The following PCDHA1 variants were observed in gnomAD, a reference collection of about 807,000 sequenced individuals.
PCDHA1 encodes the protein protocadherin alpha-1.
Under a neutral mutation model 61.3 loss-of-function variants are expected in PCDHA1, and 42 were observed. The observed-to-expected ratio is 0.69, with a 90% confidence interval of 0.54 to 0.89. The LOEUF (loss-of-function observed/expected upper bound fraction) is 0.89. PCDHA1 is among the 40% of genes least tolerant of loss of function. PCDHA1 has a pLI of 0.00. For missense variants in PCDHA1, 1,256 were observed against 1,235.3 expected, an observed-to-expected ratio of 1.02 and a Z score of -0.25; for synonymous variants, 610 against 553.8, an observed-to-expected ratio of 1.10 and a Z score of -1.43.
At position 140,959,344 on chromosome 5, in the gene PCDHA1, C is replaced by T. The variant is rs541663379; in HGVS notation, c.2395-19605C>T. Among the ~76,000 whole-genome samples the T allele has an allele frequency of 2.0e-4, 30 of 152,112 alleles. No individual in the cohort carries two copies. The South Asian group carries it at 6.0e-3, about 31-fold the overall frequency. On this transcript the variant is annotated intron_variant, in intron 1 of 3. Coordinates refer to ENST00000504120, the MANE Select transcript of PCDHA1 (RefSeq NM_018900.4). Reference sequence around the variant, plus strand: ...AAGTTTTGATTATGCTACTGCACTCCAGCGGGACAACTGAGTGAGACCCTG... The same window carrying T: ...AAGTTTTGATTATGCTACTGCACTCTAGCGGGACAACTGAGTGAGACCCTG...
At position 140,879,431 on chromosome 5, in the gene PCDHA1, T is replaced by G. The variant is rs78313657; in HGVS notation, c.2394+90747T>G. 2.0e-5 allele frequency among the ~76,000 whole-genome samples: 3 copies of G among 152,202 alleles called. No homozygotes were observed. In the East Asian group the frequency reaches 5.8e-4, roughly 29 times the overall value. The stretch of plus-strand genomic sequence containing the variant: ...AGCAGGTAGGGAATGGAGATGAACA[T>G]TTAAGAAAATGTTACTTTGAAGTCC... On this transcript the variant is annotated intron_variant, in intron 1 of 3. Transcript: ENST00000504120.
chr5:140,808,975 G>C, intron 1 of PCDHA1: 1 of 1,613,626 alleles, frequency 6.2e-7, no homozygotes, highest in Non-Finnish European at 8.5e-7. Flanking sequence ...AGGTGCGCGC[G>C]GTGGATGCTG....
chr5:141,000,737 G>A (rs1449947824), intron 3 of PCDHA1, among the ~76,000 whole-genome samples: 21 of 149,738 alleles, frequency 1.4e-4, no homozygotes, highest in African/African-American at 5.0e-4. Context: ...CCCTATCTCT[G>A]TATATTAAAA....
chr5:140,802,706 G>T, intron 1 of PCDHA1: 1 of 1,612,472 alleles, frequency 6.2e-7, no homozygotes, highest in Non-Finnish European at 8.5e-7. Flanking sequence ...GGGAGCGCGC[G>T]CTGTCGAGCT....
Position 140,786,818 on chromosome 5 carries a change from T to C in PCDHA1, c.528T>C (p.Asp176=). The change falls in exon 1 of 4, where the codon GAT becomes GAC. Residue 176 remains aspartate (D), a synonymous_variant. Transcript: ENST00000504120. Reference sequence around the variant, plus strand: ...TAACGTACACGCTCAGCCCGAGTGATTATTTCTCTTTGGATGTAGAGGCAA... The same window carrying C: ...TAACGTACACGCTCAGCCCGAGTGACTATTTCTCTTTGGATGTAGAGGCAA... ...ALLTYTLSPS[D]YFSLDVEASD... 1 of 1,614,216 alleles carries C rather than the reference T, an allele frequency of 6.2e-7. No individual in the cohort carries two copies. The highest frequency in any genetic ancestry group is 1.3e-5 in the African/African-American group (1 of 75,058).
At chr5:140,871,086 G>T (rs556097993) in intron 1 of PCDHA1, 15 of 1,613,256 alleles carry the variant, frequency 9.3e-6, no homozygotes, top group Non-Finnish European at 1.1e-5. Context: ...TGACGGCCAC[G>T]GCCACCGTGC....
rs1478776734 is a variant in PCDHA1 at position 141,010,917 on chromosome 5, A to G, written c.*980A>G. ...TACAATTCCCCTAAACTCTCCTCAA[A>G]AGAGAATTCAGTCTACAGCCATTTA... On this transcript the variant is annotated 3_prime_UTR_variant, in exon 4 of 4. Coordinates refer to ENST00000504120, the MANE Select transcript of PCDHA1 (RefSeq NM_018900.4). The G allele has an allele frequency of 6.5e-6, 1 of 153,776 alleles. No homozygotes were observed. The highest frequency in any genetic ancestry group is 1.5e-5 in the Non-Finnish European group (1 of 68,048). The allele number at this position is 153,776 out of a possible 1,614,324, so 9.5% of individuals were successfully genotyped here.
In PCDHA1 at chr5:140,970,051, C is replaced by T. The variant is rs915260486; in HGVS notation, c.2395-8898C>T. 4.0e-5 allele frequency among the ~76,000 whole-genome samples: 6 copies of T among 151,880 alleles called. No individual in the cohort carries two copies. The South Asian group carries it at 1.2e-3, about 32-fold the overall frequency. On this transcript the variant is annotated intron_variant, in intron 1 of 3. Coordinates refer to ENST00000504120, the MANE Select transcript of PCDHA1 (RefSeq NM_018900.4). Reference sequence around the variant, plus strand: ...TTAAGTACCAATTTGTCTGGTTGGTCCAGGGAGGTATTAGAATGAGTGGAT... The same window carrying T: ...TTAAGTACCAATTTGTCTGGTTGGTTCAGGGAGGTATTAGAATGAGTGGAT...
chr5:140,794,643 C>A (rs1284614539), intron 1 of PCDHA1, among the ~76,000 whole-genome samples: 5 of 151,870 alleles, frequency 3.3e-5, no homozygotes, highest in Non-Finnish European at 7.4e-5. Flanking sequence ...GTTTTTTAAC[C>A]AGAGTAAAAA....
intron 1 of PCDHA1, among the ~76,000 whole-genome samples, chr5:140,845,317 T>C (rs1779816111): frequency 6.7e-6 from 1 of 149,682 alleles, no homozygotes; most frequent in Non-Finnish European, 1.5e-5. Context: ...TCTCAGGTAT[T>C]ACTTTAATTA....
intron 1 of PCDHA1, among the ~76,000 whole-genome samples, chr5:140,939,276 C>T (rs146183157): frequency 6.6e-6 from 1 of 152,174 alleles, no homozygotes; most frequent in Non-Finnish European, 1.5e-5. Flanking sequence ...GAGAGCTGTG[C>T]CCTCGTGATC....
chr5:140,837,634 T>A (rs918973848), intron 1 of PCDHA1, among the ~76,000 whole-genome samples: 4 of 134,932 alleles, frequency 3.0e-5, no homozygotes, highest in Admixed American at 1.4e-4. Context: ...CCTTCCTTCC[T>A]TTCTTTCTTT....
At chr5:140,885,677 T>C (rs1554182236) in intron 1 of PCDHA1, among the ~76,000 whole-genome samples, 1 of 152,208 alleles carries the variant, frequency 6.6e-6, no homozygotes, top group African/African-American at 2.4e-5. Context: ...ACTCTTTCTA[T>C]CTCAAGAAGC....
chr5:140,842,853 A>C lies in PCDHA1; in HGVS notation c.2394+54169A>C. On this transcript the variant is annotated intron_variant, in intron 1 of 3. Transcript: ENST00000504120. ...TCGCTGTCGAGCTACATTTCGGTGC[A>C]CACGGAGAGCGGCAAGGTGTACGCG... is the stretch of plus-strand genomic sequence containing the variant. 6.3e-7 allele frequency: 1 copy of C among 1,593,882 alleles called. No individual in the cohort carries two copies. Among genetic ancestry groups the C allele is most frequent in the Middle Eastern group, 2.1e-4 (1 of 4,734 alleles).
intron 1 of PCDHA1, chr5:140,816,216 CTCTG>C (rs1765866048): frequency 6.6e-6 from 1 of 152,144 alleles, no homozygotes; most frequent in Non-Finnish European, 1.5e-5. Context: ...CTTTTTGCTA[CTCTG>C]TCTGGATAAT....
intron 1 of PCDHA1, among the ~76,000 whole-genome samples, chr5:140,919,658 T>C (rs1271844986): frequency 2.0e-5 from 3 of 152,230 alleles, no homozygotes; most frequent in Non-Finnish European, 2.9e-5. Context: ...GTTTACCATA[T>C]ATATTTTAGC....
chr5:140,884,534 C>T (rs781847666), intron 1 of PCDHA1: 3 of 1,614,180 alleles, frequency 1.9e-6, no homozygotes, highest in Admixed American at 3.3e-5. Context: ...GCAGAGGCGG[C>T]CGAGGGTGTG....
At chr5:140,850,389 A>T in intron 1 of PCDHA1, 1 of 1,597,864 alleles carries the variant, frequency 6.3e-7, no homozygotes, top group South Asian at 1.1e-5. Context: ...GGGCGAGATC[A>T]GCACAACGCG....
At position 140,877,386 on chromosome 5, in the gene PCDHA1, T is replaced by G. The variant is rs782310487; in HGVS notation, c.2394+88702T>G. 5 of 1,613,816 alleles carry G rather than the reference T, an allele frequency of 3.1e-6. No individual in the cohort carries two copies. In the African/African-American group the frequency reaches 6.7e-5, roughly 22 times the overall value. On this transcript the variant is annotated intron_variant, in intron 1 of 3. Coordinates refer to ENST00000504120, the MANE Select transcript of PCDHA1 (RefSeq NM_018900.4). ...AGATCAGCACGACACGCATCCTGGA[T>G]GAGGCGGACGCTCCGCGCCACCGCC... is the stretch of plus-strand genomic sequence containing the variant.
Sources: gnomAD v4.1 joint callset for allele counts (sites outside exome capture counted in the v4.1 genomes callset) on GRCh38, gnomAD v4.1.1 for gene constraint, MANE v1.5 for transcripts, NCBI Gene and HGNC (gene_info 2026-07-23, HGNC 2026-07-21) for gene names.